Variants in MEGF9 observed in about 807,000 individuals in gnomAD.
MEGF9 encodes multiple EGF like domains 9.
In MEGF9, 6 loss-of-function variants were observed where a neutral mutation model predicts 46.8. That is an observed-to-expected ratio of 0.13 (90% confidence interval 0.07 to 0.25). MEGF9 has a LOEUF of 0.25. MEGF9 is among the 10% of genes least tolerant of loss of function. The pLI is 1.00. For missense variants in MEGF9, 683 were observed against 792.4 expected, an observed-to-expected ratio of 0.86 and a Z score of 1.66; for synonymous variants, 302 against 330.7, an observed-to-expected ratio of 0.91 and a Z score of 0.94.
chr9:120,622,522 A>C, intron 3 of MEGF9, 94 bp downstream of exon 3: 1 of 1,392,134 alleles, frequency 7.2e-7, no homozygotes, highest in East Asian at 2.5e-5. Context: ...AGGCCCTTCC[A>C]AACTATTTCA....
At chr9:120,628,196 G>C (rs1407868652) in intron 2 of MEGF9, among the ~76,000 whole-genome samples, 3 of 152,126 alleles carry the variant, frequency 2.0e-5, no homozygotes. Context: ...TGATTTTGTA[G>C]AGGTAAGAAA....
intron 2 of MEGF9, among the ~76,000 whole-genome samples, chr9:120,628,715 G>A (rs190547822): frequency 1.1e-3 from 161 of 151,938 alleles, no homozygotes; most frequent in African/African-American, 3.8e-3. Flanking sequence ...TGCCCAGGAG[G>A]GAGACTTTAT....
chr9:120,684,222 C>T (rs573765937), intron 1 of MEGF9, among the ~76,000 whole-genome samples: 1 of 152,274 alleles, frequency 6.6e-6, no homozygotes, highest in South Asian at 2.1e-4. Context: ...CTTCTTCAAA[C>T]ATACAGATGG....
chr9:120,629,194 G>A (rs1351240972), intron 2 of MEGF9, among the ~76,000 whole-genome samples: 3 of 152,106 alleles, frequency 2.0e-5, no homozygotes, highest in South Asian at 4.2e-4. Flanking sequence ...TGTCCAGGCT[G>A]GTCTCAAACT....
At chr9:120,655,803 G>A (rs1294775390) in intron 2 of MEGF9, among the ~76,000 whole-genome samples, 1 of 152,124 alleles carries the variant, frequency 6.6e-6, no homozygotes, top group African/African-American at 2.4e-5. Flanking sequence ...GGTTAACAGT[G>A]GCTACAAGTA....
At chr9:120,635,756 T>C (rs1056732351) in intron 2 of MEGF9, among the ~76,000 whole-genome samples, 2 of 152,186 alleles carry the variant, frequency 1.3e-5, no homozygotes, top group African/African-American at 4.8e-5. Context: ...TATTTCCTTG[T>C]ATATCATTCA....
At chr9:120,606,950 A>G (rs1160063236) in intron 5 of MEGF9, among the ~76,000 whole-genome samples, 1 of 152,126 alleles carries the variant, frequency 6.6e-6, no homozygotes, top group African/African-American at 2.4e-5. Context: ...CCAAATAGGT[A>G]AGAGAACTGA....
chr9:120,636,832 C>T (rs1310685222), intron 2 of MEGF9, among the ~76,000 whole-genome samples: 3 of 146,820 alleles, frequency 2.0e-5, no homozygotes, highest in African/African-American at 7.3e-5. Flanking sequence ...CGCCCCCGCC[C>T]GGCAGCCGCC....
chr9:120,618,903 A>G (rs2043485212), intron 3 of MEGF9, among the ~76,000 whole-genome samples: 1 of 152,008 alleles, frequency 6.6e-6, no homozygotes, highest in Admixed American at 6.6e-5. Context: ...GTCTCAAAAA[A>G]AAAAAAAAGA....
chr9:120,637,426 T>TA (rs559204929), intron 2 of MEGF9, among the ~76,000 whole-genome samples: 24 of 148,620 alleles, frequency 1.6e-4, no homozygotes, highest in Non-Finnish European at 2.5e-4. Flanking sequence ...CAATAAATAC[T>TA]AAAAAAAGTT....
intron 1 of MEGF9, among the ~76,000 whole-genome samples, chr9:120,662,864 T>TA (rs1395325569): frequency 6.6e-6 from 1 of 152,230 alleles, no homozygotes; most frequent in African/African-American, 2.4e-5. Flanking sequence ...AGTGGGCTGT[T>TA]ACGCAGAAAT....
At chr9:120,704,794 A>G (rs1221222030) in intron 1 of MEGF9, among the ~76,000 whole-genome samples, 1 of 152,240 alleles carries the variant, frequency 6.6e-6, no homozygotes, top group Non-Finnish European at 1.5e-5. Flanking sequence ...GCTAATATTA[A>G]AAGCACTCTG....
Position 120,605,589 on chromosome 9 carries a change from A to G in MEGF9, c.1410T>C (p.Ser470=). Residue 470 remains serine, a synonymous_variant, in exon 6 of 6, where the codon TCT becomes TCC. Coordinates refer to ENST00000373930, the MANE Select transcript of MEGF9 (RefSeq NM_001080497.3). The surrounding 1 kb of genome is among the most constrained non-coding windows in gnomAD (Gnocchi z 4.0). ...EGSTILVSNA[S]LTTSVPTPVI... The stretch of plus-strand genomic sequence containing the variant: ...CAGGGGTGGGCACTGATGTGGTCAA[A>G]GAGGCATTGGAAACCAAAATGGTAG... The G allele has an allele frequency of 6.2e-7, 1 of 1,602,012 alleles. No homozygotes were observed. Among genetic ancestry groups the G allele is most frequent in the Non-Finnish European group, 8.5e-7 (1 of 1,173,424 alleles).
At chr9:120,616,461 C>T (rs1474030024) in intron 3 of MEGF9, among the ~76,000 whole-genome samples, 2 of 151,852 alleles carry the variant, frequency 1.3e-5, no homozygotes, top group African/African-American at 2.4e-5. Flanking sequence ...GGTCGGATCA[C>T]GAGGTCAGGA....
intron 1 of MEGF9, among the ~76,000 whole-genome samples, chr9:120,671,737 T>C (rs1393877286): frequency 6.6e-6 from 1 of 152,180 alleles, no homozygotes; most frequent in African/African-American, 2.4e-5. Flanking sequence ...ACAGAAGAGG[T>C]ACGAATCCTT....
chr9:120,688,433 C>G (rs903865279), intron 1 of MEGF9, among the ~76,000 whole-genome samples: 6 of 152,142 alleles, frequency 3.9e-5, no homozygotes, highest in Non-Finnish European at 7.3e-5. Flanking sequence ...CATCCAAGGG[C>G]ATGAATATAT....
intron 1 of MEGF9, among the ~76,000 whole-genome samples, chr9:120,701,660 T>C (rs976859161): frequency 1.3e-5 from 2 of 152,222 alleles, no homozygotes; most frequent in Non-Finnish European, 2.9e-5. Context: ...ATAAAGACTA[T>C]GAACAATGCC....
chr9:120,603,065 C>T lies in MEGF9; in HGVS notation c.*2125G>A, dbSNP rs1404745403. ...ATTAAAAACATCCACAAGTAGAACT[C>T]TTCCTCCCAGCTTTCTTGTGTCCAT... On this transcript the variant is annotated 3_prime_UTR_variant, in exon 6 of 6. Coordinates refer to ENST00000373930, the MANE Select transcript of MEGF9 (RefSeq NM_001080497.3). 1.3e-5 allele frequency: 2 copies of T among 152,220 alleles called. No individual in the cohort carries two copies. The highest frequency in any genetic ancestry group is 2.9e-5 in the Non-Finnish European group (2 of 68,040). The allele number at this position is 152,220 out of a possible 1,614,324, so 9.4% of individuals were successfully genotyped here.
intron 1 of MEGF9, among the ~76,000 whole-genome samples, chr9:120,696,694 G>C (rs7871075): frequency 0.016 from 2,420 of 152,250 alleles, 63 homozygotes; most frequent in African/African-American, 0.055. Context: ...ACATCTTGGA[G>C]TTTTAAATCA....
Sources: gnomAD v4.1 joint callset for allele counts (sites outside exome capture counted in the v4.1 genomes callset) on GRCh38, gnomAD v4.1.1 for gene constraint, Gnocchi (gnomAD v3.1) non-coding constraint, MANE v1.5 for transcripts, NCBI Gene and HGNC (gene_info 2026-07-23, HGNC 2026-07-21) for gene names.